RLF: variants seen among roughly 807,000 people sequenced by gnomAD.
RLF encodes the protein zinc finger protein Rlf.
Under a neutral mutation model 162.9 loss-of-function variants are expected in RLF, and 7 were observed. That is an observed-to-expected ratio of 0.04 (90% confidence interval 0.02 to 0.08). The LOEUF is 0.08. Ranked by LOEUF, RLF falls within the 10% of genes least tolerant of loss-of-function variation. The pLI is 1.00. For missense variants in RLF, 1,664 were observed against 2,244.7 expected (o/e 0.74, Z 5.23); for synonymous variants, 782 against 791.5 (o/e 0.99, Z 0.20).
In RLF at chr1:40,240,399, C is replaced by T; in HGVS notation, c.5697C>T (p.Asp1899=). ...CTAAGTTTTCCACACCAATTTTAGA[C>T]TTATTTCCAACAAAAAAGACAGATG... ...ERSKFSTPIL[D]LFPTKKTDEL... The change falls in exon 8 of 8, where the codon GAC becomes GAT. Residue 1899 remains aspartate (D), a synonymous_variant. Coordinates refer to ENST00000372771, the MANE Select transcript of RLF (RefSeq NM_012421.4). The T allele has an allele frequency of 1.9e-6, 3 of 1,613,838 alleles. No homozygotes were observed. Among genetic ancestry groups the T allele is most frequent in the Non-Finnish European group, 2.5e-6 (3 of 1,179,964 alleles).
chr1:40,221,192 A>G (rs1395881063), intron 5 of RLF, among the ~76,000 whole-genome samples: 1 of 152,114 alleles, frequency 6.6e-6, no homozygotes, highest in Non-Finnish European at 1.5e-5. Flanking sequence ...ATGTTGGCCC[A>G]AGGCAGAATA....
chr1:40,237,716 C>T lies in RLF; in HGVS notation c.3014C>T (p.Thr1005Ile), dbSNP rs1361762544. 10 of 1,613,894 alleles carry T rather than the reference C, an allele frequency of 6.2e-6. No individual in the cohort carries two copies. The highest frequency in any genetic ancestry group is 1.7e-5 in the Admixed American group (1 of 59,992). ...TTGGGTAATGAACATAATCAGACAA[C>T]TGAAAAGTTGGATGCAGAACCTAAA... ...PSLGNEHNQT[T>I]EKLDAEPKPC... is the part of the protein sequence containing the mutation. Residue 1005 changes from threonine (T) to isoleucine (I), a missense_variant, in exon 8 of 8, where the codon ACT (threonine) becomes ATT (isoleucine). Physicochemically the swap from Thr to Ile is moderately conservative, Grantham distance 89. Coordinates refer to ENST00000372771, the MANE Select transcript of RLF (RefSeq NM_012421.4). This position sits in a 1 kb window ranked among gnomAD's most constrained non-coding sequence, Gnocchi z 4.4.
chr1:40,178,284 C>T (rs974193703), intron 1 of RLF, among the ~76,000 whole-genome samples: 3 of 152,026 alleles, frequency 2.0e-5, no homozygotes, highest in Non-Finnish European at 4.4e-5. Context: ...TTTGTCTACT[C>T]TGATGCCAAT....
intron 5 of RLF, among the ~76,000 whole-genome samples, chr1:40,203,897 A>G (rs746260103): frequency 6.6e-6 from 1 of 152,146 alleles, no homozygotes; most frequent in Non-Finnish European, 1.5e-5. Context: ...AGTCTCCACC[A>G]GGATCAATCA....
chr1:40,195,544 A>G, intron 3 of RLF, 88 bp from the exon 4 acceptor site: 2 of 1,039,782 alleles, frequency 1.9e-6, no homozygotes, highest in Non-Finnish European at 2.7e-6. Flanking sequence ...AGGTTCTTTC[A>G]ATTCCTAGGT....
chr1:40,199,946 G>A (rs546550033), intron 4 of RLF, among the ~76,000 whole-genome samples: 1 of 152,302 alleles, frequency 6.6e-6, no homozygotes, highest in East Asian at 1.9e-4. Context: ...GTATAATTGA[G>A]AGAATATCAT....
chr1:40,185,279 C>T lies in RLF; in HGVS notation c.238-3776C>T, dbSNP rs536920417. ...CCAAGTAGCTGGGACTAGAGGCATGCGCCACCACGCCCGGCTACTTTCTGT... is the reference window on the plus strand; with the variant it reads ...CCAAGTAGCTGGGACTAGAGGCATGTGCCACCACGCCCGGCTACTTTCTGT... On this transcript the variant is annotated intron_variant, in intron 1 of 7. Transcript: ENST00000372771. 5.9e-5 allele frequency among the ~76,000 whole-genome samples: 9 copies of T among 151,312 alleles called. No individual in the cohort carries two copies. In the South Asian group the frequency reaches 6.3e-4, roughly 11 times the overall value.
chr1:40,227,981 G>A (rs7511982), intron 6 of RLF, among the ~76,000 whole-genome samples: 1 of 151,570 alleles, frequency 6.6e-6, no homozygotes, highest in Non-Finnish European at 1.5e-5. Context: ...CCAGCCTGAG[G>A]GACAGAGCAA....
At chr1:40,203,273 C>G (rs575616406) in intron 5 of RLF, among the ~76,000 whole-genome samples, 1 of 151,992 alleles carries the variant, frequency 6.6e-6, no homozygotes, top group Admixed American at 6.5e-5. Flanking sequence ...CGCCACCATG[C>G]CTGGCTACTT....
In RLF at chr1:40,238,494, A is replaced by G; in HGVS notation, c.3792A>G (p.Thr1264=). 1.2e-6 allele frequency: 2 copies of G among 1,614,114 alleles called. No individual in the cohort carries two copies. The highest frequency in any genetic ancestry group is 2.2e-5 in the East Asian group (1 of 44,872). Residue 1264 remains threonine (T), a synonymous_variant, in exon 8 of 8, where the codon ACA becomes ACG. Transcript: ENST00000372771. The surrounding 1 kb of genome is among the most constrained non-coding windows in gnomAD (Gnocchi z 5.2). ...ETDLESSCEE[T]ESKTSDISSP... ...ATTTGGAATCATCTTGTGAAGAAAC[A>G]GAAAGTAAAACATCTGACATTTCAT...
Position 40,161,484 on chromosome 1 carries a change from G to A in RLF, c.85G>A (p.Glu29Lys). The A allele has an allele frequency of 6.3e-7, 1 of 1,594,978 alleles. No homozygotes were observed. Among genetic ancestry groups the A allele is most frequent in the South Asian group, 1.1e-5 (1 of 89,290 alleles). ...GGTAGCGGGAGCCGGAGATGGAGTC[G>A]AGACTGAGTCCATGGTTCGGGGTCA... Reference protein sequence around the residue: ...PAVAGAGDGVETESMVRGHRP... With the variant: ...PAVAGAGDGVKTESMVRGHRP... Residue 29 changes from glutamate to lysine, a missense_variant, in exon 1 of 8, where the codon GAG (glutamate) becomes AAG (lysine). Around this residue, in one of 15 missense-constraint regions of RLF, gnomAD observed 134 missense variants for 124.3 expected, o/e 1.08. Coordinates refer to ENST00000372771, the MANE Select transcript of RLF (RefSeq NM_012421.4). This position sits in a 1 kb window ranked among gnomAD's most constrained non-coding sequence, Gnocchi z 4.4.
intron 4 of RLF, among the ~76,000 whole-genome samples, chr1:40,201,038 C>G (rs1642709110): frequency 1.3e-5 from 1 of 74,964 alleles, no homozygotes; most frequent in South Asian, 5.8e-4. Context: ...CACAAACACA[C>G]ACACCCCCCC....
intron 1 of RLF, among the ~76,000 whole-genome samples, chr1:40,164,984 A>C (rs752415813): frequency 3.3e-5 from 5 of 152,210 alleles, no homozygotes; most frequent in Admixed American, 6.5e-5. Context: ...TACTGGCTTC[A>C]CTATTGAAAT....
intron 2 of RLF, 25 bp from the exon 3 acceptor site, chr1:40,190,747 A>ATATACT: frequency 6.9e-7 from 1 of 1,457,796 alleles, no homozygotes; most frequent in Non-Finnish European, 9.6e-7. Flanking sequence ...AACCACCTTT[A>ATATACT]TATACTTACT....
At chr1:40,195,521 A>G in intron 3 of RLF, 111 bp from the exon 4 acceptor site, 5 of 830,922 alleles carry the variant, frequency 6.0e-6, no homozygotes, top group Non-Finnish European at 9.0e-6. Flanking sequence ...ACTTATTTTC[A>G]GGAAATCCAA....
At chr1:40,182,469 C>G (rs80178662) in intron 1 of RLF, among the ~76,000 whole-genome samples, 1 of 151,652 alleles carries the variant, frequency 6.6e-6, no homozygotes, top group Non-Finnish European at 1.5e-5. Flanking sequence ...GAAAACCCCT[C>G]AAGCTTAATG....
At chr1:40,213,905 G>T (rs561497774) in intron 5 of RLF, among the ~76,000 whole-genome samples, 1 of 152,182 alleles carries the variant, frequency 6.6e-6, no homozygotes, top group Non-Finnish European at 1.5e-5. Flanking sequence ...ACTTAGGAAC[G>T]TAAGTATGCT....
Position 40,222,582 on chromosome 1 carries a change from G to C in RLF, c.819G>C (p.Lys273Asn). 2 of 1,612,796 alleles carry C rather than the reference G, an allele frequency of 1.2e-6. No homozygotes were observed. Among genetic ancestry groups the C allele is most frequent in the South Asian group, 1.1e-5 (1 of 90,902 alleles). The change falls in exon 6 of 8, where the codon AAG becomes AAC. Residue 273 changes from lysine to asparagine, a missense_variant. Around this residue, in one of 15 missense-constraint regions of RLF, gnomAD observed 287 missense variants for 404.9 expected, o/e 0.71. Coordinates refer to ENST00000372771, the MANE Select transcript of RLF (RefSeq NM_012421.4). The part of the protein sequence containing the change: ...PNEDAIKEIA[K>N]VDCKEVLDII... ...CATCTCATTTTTGATAGATTGCAAA[G>C]GTCGACTGCAAGGAAGTACTAGACA...
chr1:40,239,415 A>G lies in RLF; in HGVS notation c.4713A>G (p.Lys1571=), dbSNP rs150995077. 3.2e-5 allele frequency: 52 copies of G among 1,613,968 alleles called. No individual in the cohort carries two copies. In the African/African-American group the frequency reaches 6.7e-4, roughly 21 times the overall value. Residue 1571 remains lysine, a synonymous_variant, in exon 8 of 8, where the codon AAA becomes AAG. Coordinates refer to ENST00000372771, the MANE Select transcript of RLF (RefSeq NM_012421.4). ...AGAGCAGCATTGTGAGGCATTACAA[A>G]CGCACTCATCAGATGAGTAGTGCCT... ...KLESSIVRHY[K]RTHQMSSAYL...
Sources: allele counts gnomAD v4.1 joint callset (sites outside exome capture counted in the v4.1 genomes callset), GRCh38; gene constraint gnomAD v4.1.1; regional missense constraint gnomAD v4.1.1; non-coding constraint Gnocchi (gnomAD v3.1); transcripts MANE v1.5; gene names NCBI Gene and HGNC (gene_info 2026-07-23, HGNC 2026-07-21).